Variants in RGN observed in about 807,000 individuals in gnomAD.
RGN encodes epididymis secretory protein Li 41.
RGN carries 19 observed loss-of-function variants against 20.6 expected under a neutral mutation model. The ratio of observed to expected loss-of-function variants is 0.92; its 90% CI spans 0.64 to 1.35. RGN has a LOEUF of 1.35. RGN is among the 40% of genes most tolerant of loss of function. The probability of loss-of-function intolerance (pLI) is 0.00; values close to 1 mark genes in which losing one functional copy is unlikely to be tolerated. For missense variants in RGN, 302 were observed against 232.7 expected (o/e 1.30, Z -1.94); for synonymous variants, 85 against 87.2 (o/e 0.97, Z 0.14).
Position 47,091,805 on chromosome X carries a change from G to A in RGN, c.690G>A (p.Val230=). Residue 230 remains valine (V), a synonymous_variant, in exon 6 of 8, where the codon GTG becomes GTA. Coordinates refer to ENST00000397180, the MANE Select transcript of RGN (RefSeq NM_152869.4). ...NGGRVIRLDP[V]TGKRLQTVKL... The stretch of plus-strand genomic sequence containing the variant: ...GAAGAGTGATTCGTTTAGATCCTGT[G>A]ACAGGTAGGCCTGCAGCAAAATGAA... 8.3e-7 allele frequency: 1 copy of A among 1,208,320 alleles called. No homozygotes were observed. The highest frequency in any genetic ancestry group is 1.1e-6 in the Non-Finnish European group (1 of 894,470).
chrX:47,088,553 T>C (rs1376234310), intron 4 of RGN, among the ~76,000 whole-genome samples: 2 of 110,518 alleles, frequency 1.8e-5, no homozygotes, highest in Non-Finnish European at 3.8e-5. Context: ...CCTATGTGAG[T>C]TGAGATTTCC....
At chrX:47,079,817 A>G (rs1410678875) in intron 1 of RGN, among the ~76,000 whole-genome samples, 2 of 111,445 alleles carry the variant, frequency 1.8e-5, no homozygotes, top group Non-Finnish European at 3.8e-5. Flanking sequence ...TCATTTGCCC[A>G]TCATGTGTAG....
chrX:47,080,402 C>T lies in RGN; in HGVS notation c.-550C>T, dbSNP rs1602439093. ...ATAGACTGTTCCTCTCCTGTGGAGTCTAACACTCTTTGCCAAACTGGCACG... is the reference window on the plus strand; with the variant it reads ...ATAGACTGTTCCTCTCCTGTGGAGTTTAACACTCTTTGCCAAACTGGCACG... On this transcript the variant is annotated 5_prime_UTR_variant, in exon 2 of 8. Transcript: ENST00000397180. 1 of 111,836 alleles carries T rather than the reference C, an allele frequency of 8.9e-6. No homozygotes were observed. The highest frequency in any genetic ancestry group is 3.7e-4 in the South Asian group (1 of 2,706). 9.2% of individuals were successfully genotyped at this position (111,836 alleles called of 1,213,427 possible). A position where few individuals can be genotyped will look rare whatever the true frequency, so the allele number is the denominator to read the frequency against.
At chrX:47,089,143 G>A (rs782090414) in intron 4 of RGN, among the ~76,000 whole-genome samples, 1 of 96,374 alleles carries the variant, frequency 1.0e-5, no homozygotes, top group Non-Finnish European at 2.1e-5. Flanking sequence ...TGCATGAGCC[G>A]AGACTGCATT....
In RGN at chrX:47,091,809, G is replaced by C. The variant is rs1312695435; in HGVS notation, c.694G>C (p.Gly232Arg). ...GRVIRLDPVT[G>R]KRLQTVKLPV... is the part of the protein sequence containing the mutation. Reference sequence around the variant, plus strand: ...AGTGATTCGTTTAGATCCTGTGACAGGTAGGCCTGCAGCAAAATGAAAAAT... The same window carrying C: ...AGTGATTCGTTTAGATCCTGTGACACGTAGGCCTGCAGCAAAATGAAAAAT... The change falls in exon 6 of 8, where the codon GGG becomes CGG. Residue 232 changes from glycine to arginine, a missense_variant and splice_region_variant. Transcript: ENST00000397180. The C allele has an allele frequency of 9.1e-6, 11 of 1,203,067 alleles. No individual in the cohort carries two copies. Among genetic ancestry groups the C allele is most frequent in the Non-Finnish European group, 1.1e-5 (10 of 893,269 alleles).
Position 47,090,960 on chromosome X carries a change from GA to G in RGN, c.563-715del, listed in dbSNP as rs371163054. ...AGAAAGAAAGAAAGAAAGAAAGAAA[GA>G]AAGAAAGAAAGAAAGAAAGAAAGAT... On this transcript the variant is annotated intron_variant, in intron 5 of 7. Coordinates refer to ENST00000397180, the MANE Select transcript of RGN (RefSeq NM_152869.4). Among the ~76,000 whole-genome samples, 207 of 24,531 alleles carry G rather than the reference GA, an allele frequency of 8.4e-3. 22 individuals carry two copies. Among genetic ancestry groups the G allele is most frequent in the African/African-American group, 0.02 (181 of 9,131 alleles). 21.3% of individuals were successfully genotyped at this position (24,531 alleles called of 115,157 possible).
chrX:47,084,389 G>A, intron 3 of RGN, 29 bp from the exon 4 acceptor site: 1 of 1,164,512 alleles, frequency 8.6e-7, no homozygotes. Context: ...AACTGGTACT[G>A]TTTTTTAACT....
chrX:47,091,952 T>G, intron 6 of RGN, 109 bp from the exon 7 acceptor site: 1 of 955,439 alleles, frequency 1.0e-6, no homozygotes, highest in South Asian at 2.5e-5. Context: ...AAATATTAAA[T>G]GCACAGATGA....
chrX:47,083,431 A>C (rs1224878144), intron 3 of RGN, among the ~76,000 whole-genome samples: 1 of 111,507 alleles, frequency 9.0e-6, no homozygotes, highest in African/African-American at 3.3e-5. Flanking sequence ...TACATGGAAA[A>C]ATATTAAATG....
At chrX:47,092,844 G>T in intron 7 of RGN, 53 bp from the exon 8 acceptor site, 1 of 1,034,736 alleles carries the variant, frequency 9.7e-7, no homozygotes, top group East Asian at 3.0e-5. Flanking sequence ...TGCTTTTGAA[G>T]AATACTTGTG....
intron 4 of RGN, among the ~76,000 whole-genome samples, chrX:47,085,554 C>G (rs1930550890): frequency 9.0e-6 from 1 of 111,234 alleles, no homozygotes; most frequent in African/African-American, 3.3e-5. Flanking sequence ...ACTTGTATAC[C>G]TTTTACCCGG....
At chrX:47,086,785 A>AGAGAGAC in intron 4 of RGN, among the ~76,000 whole-genome samples, 1 of 50,188 alleles carries the variant, frequency 2.0e-5, no homozygotes, top group South Asian at 1.1e-3. Context: ...GAGAGAGAGA[A>AGAGAGAC]AGAGAGAGAG....
chrX:47,090,613 G>A (rs1930901299), intron 5 of RGN, among the ~76,000 whole-genome samples: 1 of 109,886 alleles, frequency 9.1e-6, no homozygotes, highest in Admixed American at 9.9e-5. Flanking sequence ...TTTCATGAAA[G>A]GTGCCAAACC....
chrX:47,090,961 A>AAAG (rs1491158654), intron 5 of RGN, among the ~76,000 whole-genome samples: 637 of 63,598 alleles, frequency 0.01, 84 homozygotes, highest in African/African-American at 0.032. Flanking sequence ...AGAAAGAAAG[A>AAAG]AAGAAAGAAA....
chrX:47,088,278 G>A (rs1164828365), intron 4 of RGN, among the ~76,000 whole-genome samples: 4 of 108,764 alleles, frequency 3.7e-5, no homozygotes, highest in Non-Finnish European at 7.6e-5. Context: ...CAGGGCTCTA[G>A]ATTATTCTAT....
At chrX:47,081,067 C>T in intron 2 of RGN, 63 bp from the exon 3 acceptor site, 1 of 820,337 alleles carries the variant, frequency 1.2e-6, no homozygotes, top group Admixed American at 2.3e-5. Context: ...AGTTCTTAGC[C>T]AGGTGTTTTA....
intron 5 of RGN, among the ~76,000 whole-genome samples, chrX:47,090,859 C>CA (rs1302127332): frequency 4.4e-4 from 24 of 54,096 alleles, no homozygotes; most frequent in Middle Eastern, 0.012. Flanking sequence ...GAGACACTGT[C>CA]AAAAAAAAAA....
intron 4 of RGN, among the ~76,000 whole-genome samples, chrX:47,086,248 C>G (rs1301543725): frequency 9.0e-6 from 1 of 111,350 alleles, no homozygotes; most frequent in Non-Finnish European, 1.9e-5. Context: ...GACTGGAATA[C>G]CGCATAGATA....
In RGN at chrX:47,091,749, G is replaced by C; in HGVS notation, c.634G>C (p.Gly212Arg). 2 of 1,210,030 alleles carry C rather than the reference G, an allele frequency of 1.7e-6. No homozygotes were observed. The highest frequency in any genetic ancestry group is 1.8e-5 in the South Asian group (1 of 56,920). ...IPDGMCIDAE[G>R]KLWVACYNGG... Reference sequence around the variant, plus strand: ...AGATGGAATGTGTATTGATGCTGAGGGGAAGCTCTGGGTGGCCTGTTACAA... The same window carrying C: ...AGATGGAATGTGTATTGATGCTGAGCGGAAGCTCTGGGTGGCCTGTTACAA... The change falls in exon 6 of 8, where the codon GGG (glycine) becomes CGG (arginine). Residue 212 changes from glycine (G) to arginine (R), a missense_variant. Transcript: ENST00000397180.
Sources: allele counts gnomAD v4.1 joint callset (sites outside exome capture counted in the v4.1 genomes callset), GRCh38; gene constraint gnomAD v4.1.1; transcripts MANE v1.5; gene names NCBI Gene and HGNC (gene_info 2026-07-23, HGNC 2026-07-21).